The following ADGRE2 variants were observed in gnomAD, a reference collection of about 807,000 sequenced individuals.
ADGRE2 encodes adhesion G protein-coupled receptor E2, also known as CD97 antigen.
A neutral mutation model predicts 100.8 loss-of-function variants in ADGRE2; 83 were observed. That is an observed-to-expected ratio of 0.82 (90% CI 0.69 to 0.99). ADGRE2 has a LOEUF of 0.99. ADGRE2 is among the 50% of genes least tolerant of loss of function. ADGRE2 has a pLI of 0.00. For missense variants in ADGRE2, 814 were observed against 1,035.7 expected, an observed-to-expected ratio of 0.79 and a Z score of 2.94; for synonymous variants, 355 against 413.0, an observed-to-expected ratio of 0.86 and a Z score of 1.70.
intron 5 of ADGRE2, among the ~76,000 whole-genome samples, chr19:14,769,336 T>C (rs2044109282): frequency 6.6e-6 from 1 of 152,040 alleles, no homozygotes; most frequent in African/African-American, 2.4e-5. Context: ...AACCTTGAGG[T>C]TTGGATAGCG....
the ADGRE2 span, among the ~76,000 whole-genome samples, chr19:14,726,452 G>A: frequency 8.5e-5 from 13 of 152,188 alleles, no homozygotes; most frequent in African/African-American, 2.6e-4. Flanking sequence ...TTCTTCCCCC[G>A]AAAATGCTCT....
rs3057586 is a variant in ADGRE2, at chr19:14,775,860, G to GAAAAAAAAAAA, written c.31+855_31+865dup. 4.8e-4 allele frequency among the ~76,000 whole-genome samples: 52 copies of GAAAAAAAAAAA among 107,894 alleles called. 1 individual carries two copies. The highest frequency in any genetic ancestry group is 3.4e-3 in the East Asian group (12 of 3,580). 70.8% of individuals were successfully genotyped at this position (107,894 alleles called of 152,430 possible). On this transcript the variant is annotated intron_variant, in intron 2 of 20. Transcript: ENST00000315576. ...GGCGACAGAGCAAGGCTCCGCCTCA[G>GAAAAAAAAAAA]AAAAAAAAAAAAAAAAATGATGGCG...
intron 1 of ADGRE2, among the ~76,000 whole-genome samples, chr19:14,777,367 C>T (rs1319541622): frequency 1.3e-5 from 2 of 152,234 alleles, no homozygotes; most frequent in Admixed American, 6.5e-5. Context: ...CAGAGGCTCA[C>T]GCCTGTGATC....
rs368691146 is a variant in ADGRE2, at chr19:14,751,677, G to A, written c.1789-6C>T. On this transcript the variant is annotated splice_polypyrimidine_tract_variant and splice_region_variant and intron_variant, in intron 15 of 20. Coordinates refer to ENST00000315576, the MANE Select transcript of ADGRE2 (RefSeq NM_013447.4). Reference sequence around the variant, plus strand: ...GCGATGATGGAGCACAGCACCTGGCGGAGAAGTAAAAGACGCCCAGAGCGG... The same window carrying A: ...GCGATGATGGAGCACAGCACCTGGCAGAGAAGTAAAAGACGCCCAGAGCGG... 198 of 1,610,236 alleles carry A rather than the reference G, an allele frequency of 1.2e-4. No individual in the cohort carries two copies. The highest frequency in any genetic ancestry group is 1.5e-4 in the Non-Finnish European group (172 of 1,176,916).
At chr19:14,763,778 CT>C (rs1362384330) in intron 11 of ADGRE2, among the ~76,000 whole-genome samples, 2 of 135,686 alleles carry the variant, frequency 1.5e-5, no homozygotes, top group Non-Finnish European at 3.2e-5. Flanking sequence ...TCCTCTCCTC[CT>C]CCTTTTCTCC....
chr19:14,753,016 C>T (rs956444678), intron 14 of ADGRE2, among the ~76,000 whole-genome samples: 1 of 151,978 alleles, frequency 6.6e-6, no homozygotes, highest in African/African-American at 2.4e-5. Context: ...ATGATCCACC[C>T]GCCTCGGCCT....
At position 14,763,137 on chromosome 19, in the gene ADGRE2, C is replaced by T. The variant is rs955940468; in HGVS notation, c.1084+1296G>A. The stretch of plus-strand genomic sequence containing the variant: ...TGGATTATGCACAAGGTCAGGAGAT[C>T]GAGAGACCATCCTGGCTAACACGGT... On this transcript the variant is annotated intron_variant, in intron 11 of 20. Transcript: ENST00000315576. 4.6e-5 allele frequency among the ~76,000 whole-genome samples: 7 copies of T among 152,058 alleles called. No individual in the cohort carries two copies. In the South Asian group the frequency reaches 8.3e-4, roughly 18 times the overall value.
chr19:14,755,597 C>A, intron 13 of ADGRE2, 57 bp downstream of exon 13: 2 of 1,491,540 alleles, frequency 1.3e-6, no homozygotes, highest in Non-Finnish European at 1.9e-6. Flanking sequence ...AGCTGAGCAG[C>A]AAGGCTATGC....
chr19:14,755,821 C>T lies in ADGRE2; in HGVS notation c.1249G>A (p.Ala417Thr). ...IPGMGKLLAE[A>T]PLVLEPEKQM... ...TTCTCAGGTTCCAGGACCAGAGGGG[C>T]CTCAGCCAGCAACTTGCCCATCCCT... Residue 417 changes from alanine to threonine, a missense_variant, in exon 13 of 21, where the codon GCC becomes ACC. By Grantham distance (58) the Ala-to-Thr change is moderately conservative. Coordinates refer to ENST00000315576, the MANE Select transcript of ADGRE2 (RefSeq NM_013447.4). The T allele has an allele frequency of 6.2e-7, 1 of 1,614,200 alleles. No individual in the cohort carries two copies. The highest frequency in any genetic ancestry group is 1.1e-5 in the South Asian group (1 of 91,088).
At chr19:14,730,165 G>A (rs569396297), downstream of ADGRE2, among the ~76,000 whole-genome samples, 9 of 152,242 alleles carry the variant, frequency 5.9e-5, no homozygotes, top group South Asian at 1.7e-3. Flanking sequence ...TGATTCTTCT[G>A]CCTCGCAGCC....
chr19:14,768,865 G>C (rs954945945), intron 5 of ADGRE2: 13 of 152,450 alleles, frequency 8.5e-5, no homozygotes, highest in Admixed American at 7.2e-4. Flanking sequence ...GTTCGACTGG[G>C]GACAGTGGCC....
intron 11 of ADGRE2, among the ~76,000 whole-genome samples, chr19:14,758,711 C>T (rs2043587364): frequency 1.3e-5 from 2 of 151,888 alleles, no homozygotes; most frequent in African/African-American, 4.8e-5. Flanking sequence ...GGTGAAACCC[C>T]GTCTCTACTA....
Position 14,772,417 on chromosome 19 carries a change from A to G in ADGRE2, c.280T>C (p.Cys94Arg), listed in dbSNP as rs1235127973. Reference protein sequence around the residue: ...DCWNTEGSYDCVCSPGYEPVS... With the variant: ...DCWNTEGSYDRVCSPGYEPVS... ...GGCTCATATCCTGGGCTGCACACGC[A>G]GTCGTAGCTCCCCTCTGTGTTCCAG... is the stretch of plus-strand genomic sequence containing the variant. Residue 94 changes from cysteine to arginine, a missense_variant, in exon 5 of 21, where the codon TGC (cysteine) becomes CGC (arginine). Cys to Arg is a radical substitution (Grantham distance 180). Coordinates refer to ENST00000315576, the MANE Select transcript of ADGRE2 (RefSeq NM_013447.4). 6.2e-7 allele frequency: 1 copy of G among 1,613,948 alleles called. No homozygotes were observed. The highest frequency in any genetic ancestry group is 8.5e-7 in the Non-Finnish European group (1 of 1,180,032).
chr19:14,763,073 C>T (rs1012757586), intron 11 of ADGRE2, among the ~76,000 whole-genome samples: 6 of 152,044 alleles, frequency 3.9e-5, no homozygotes, highest in South Asian at 2.1e-4. Context: ...CGTGGTGGCT[C>T]ACGCCTGTAA....
intron 20 of ADGRE2, chr19:14,741,869 A>G: frequency 2.5e-6 from 1 of 395,730 alleles, no homozygotes; most frequent in East Asian, 3.6e-5. Flanking sequence ...TATAATCTGG[A>G]GAAGATGGAA....
In ADGRE2 at chr19:14,764,429, C is replaced by T. The variant is rs749133629; in HGVS notation, c.1084+4G>A. 2.5e-6 allele frequency: 4 copies of T among 1,612,728 alleles called. No homozygotes were observed. Among genetic ancestry groups the T allele is most frequent in the Non-Finnish European group, 3.4e-6 (4 of 1,179,754 alleles). Reference sequence around the variant, plus strand: ...TGGAGTCTGGGGCAGACCCAGGGACCTACCTGTGCCTGCAGGATAACTGAA... The same window carrying T: ...TGGAGTCTGGGGCAGACCCAGGGACTTACCTGTGCCTGCAGGATAACTGAA... On this transcript the variant is annotated splice_donor_region_variant and intron_variant, in intron 11 of 20. Coordinates refer to ENST00000315576, the MANE Select transcript of ADGRE2 (RefSeq NM_013447.4).
At chr19:14,731,822 CATT>C (rs2042673844), downstream of ADGRE2, 1 of 152,182 alleles carries the variant, frequency 6.6e-6, no homozygotes, top group Non-Finnish European at 1.5e-5. Context: ...AGCAAATTAA[CATT>C]ATTTCCATCA....
intron 14 of ADGRE2, among the ~76,000 whole-genome samples, chr19:14,754,216 C>T (rs553241171): frequency 6.6e-6 from 1 of 152,164 alleles, no homozygotes; most frequent in East Asian, 1.9e-4. Context: ...GCTCCTCAGC[C>T]TGCAGACGGC....
intron 2 of ADGRE2, among the ~76,000 whole-genome samples, chr19:14,775,487 C>G (rs1002392773): frequency 6.6e-6 from 1 of 152,028 alleles, no homozygotes; most frequent in Non-Finnish European, 1.5e-5. Context: ...GGGGTCTCAG[C>G]TCCAGCTGCC....
Sources: gnomAD v4.1 joint callset for allele counts (sites outside exome capture counted in the v4.1 genomes callset) on GRCh38, gnomAD v4.1.1 for gene constraint, MANE v1.5 for transcripts, NCBI Gene and HGNC (gene_info 2026-07-23, HGNC 2026-07-21) for gene names.